Variants in SND1 observed in about 807,000 individuals in gnomAD.
The protein encoded by SND1 is staphylococcal nuclease domain-containing protein 1.
SND1 carries 38 observed loss-of-function variants against 121.7 expected under a neutral mutation model. The ratio of observed to expected loss-of-function variants is 0.31; its 90% CI spans 0.24 to 0.41. The LOEUF (loss-of-function observed/expected upper bound fraction) is 0.41, where lower values mean the gene tolerates loss of function less well. SND1 is among the 10% of genes least tolerant of loss of function. The pLI is 1.00. For synonymous variants in SND1, 401 were observed against 447.4 expected, an observed-to-expected ratio of 0.90 and a Z score of 1.31; for missense variants, 868 against 1,184.6, an observed-to-expected ratio of 0.73 and a Z score of 3.92.
chr7:127,780,443 A>C (rs917210231), intron 10 of SND1, among the ~76,000 whole-genome samples: 9 of 152,208 alleles, frequency 5.9e-5, no homozygotes, highest in Non-Finnish European at 1.3e-4. Context: ...TAAAGTACTT[A>C]TGTCCAGTGT....
intron 13 of SND1, among the ~76,000 whole-genome samples, chr7:127,901,919 G>A (rs1464292189): frequency 6.6e-6 from 1 of 152,104 alleles, no homozygotes; most frequent in Non-Finnish European, 1.5e-5. Context: ...TTAATACTAA[G>A]ACCATTTTAA....
At position 127,844,443 on chromosome 7, in the gene SND1, A is replaced by T. The variant is rs935382883; in HGVS notation, c.1343+19A>T. ...GAGGAATGTGAGTGTTCTGGCTGGC[A>T]TGGACTCAGCTGTCATCTCAAGTAG... On this transcript the variant is annotated intron_variant, in intron 12 of 23. Transcript: ENST00000354725. 7 of 1,590,922 alleles carry T rather than the reference A, an allele frequency of 4.4e-6. No homozygotes were observed. Among genetic ancestry groups the T allele is most frequent in the Admixed American group, 3.4e-5 (2 of 59,292 alleles).
intron 11 of SND1, 89 bp from the exon 12 acceptor site, chr7:127,844,234 TG>T (rs747426631): frequency 7.6e-6 from 7 of 920,416 alleles, no homozygotes; most frequent in Non-Finnish European, 9.9e-6. Context: ...TGGAGTGAGC[TG>T]ATCTTTCACA....
chr7:128,040,296 C>T (rs915709604), intron 16 of SND1, among the ~76,000 whole-genome samples: 3 of 151,438 alleles, frequency 2.0e-5, no homozygotes, highest in Non-Finnish European at 2.9e-5. Flanking sequence ...AATCCAGGTG[C>T]AGTGCTTATG....
intron 8 of SND1, among the ~76,000 whole-genome samples, chr7:127,706,064 A>G (rs1796188726): frequency 6.6e-6 from 1 of 152,012 alleles, no homozygotes; most frequent in South Asian, 2.1e-4. Context: ...ATTGCTTAGA[A>G]TTTTTTTTAT....
At chr7:127,790,702 G>GATGC (rs1283192595) in intron 10 of SND1, among the ~76,000 whole-genome samples, 1 of 152,206 alleles carries the variant, frequency 6.6e-6, no homozygotes, top group African/African-American at 2.4e-5. Context: ...TAGGATTACA[G>GATGC]ATGCATAATA....
intron 10 of SND1, among the ~76,000 whole-genome samples, chr7:127,774,385 T>G (rs1422785528): frequency 6.6e-6 from 1 of 152,192 alleles, no homozygotes; most frequent in Non-Finnish European, 1.5e-5. Context: ...AAGAAAGATT[T>G]TTAAAAACCA....
intron 10 of SND1, among the ~76,000 whole-genome samples, chr7:127,752,843 C>T (rs915806211): frequency 3.3e-5 from 5 of 152,160 alleles, no homozygotes; most frequent in Admixed American, 1.3e-4. Context: ...ACACAAAAAC[C>T]ATTTTCAGCT....
chr7:127,771,972 C>G (rs191338316), intron 10 of SND1, among the ~76,000 whole-genome samples: 1 of 152,206 alleles, frequency 6.6e-6, no homozygotes, highest in East Asian at 1.9e-4. Flanking sequence ...ACTTTCCTAT[C>G]CATCAGATAA....
chr7:127,887,819 T>G, intron 12 of SND1, 83 bp from the exon 13 acceptor site: 3 of 855,186 alleles, frequency 3.5e-6, no homozygotes, highest in Non-Finnish European at 5.8e-6. Flanking sequence ...CGTTAAGACC[T>G]CCAGGTGCTA....
intron 11 of SND1, among the ~76,000 whole-genome samples, chr7:127,834,092 A>C (rs1308266033): frequency 6.6e-6 from 1 of 152,088 alleles, no homozygotes; most frequent in Non-Finnish European, 1.5e-5. Flanking sequence ...TTATCTACTT[A>C]TCCAACAATG....
chr7:127,771,309 T>G lies in SND1; in HGVS notation c.1153-36175T>G, dbSNP rs147495657. On this transcript the variant is annotated intron_variant, in intron 10 of 23. Coordinates refer to ENST00000354725, the MANE Select transcript of SND1 (RefSeq NM_014390.4). ...CCCAAGGGACCAAATTTAAGGTTTTTGTTTTCCATAGATTGGTGTAAGTGA... is the reference window on the plus strand; with the variant it reads ...CCCAAGGGACCAAATTTAAGGTTTTGGTTTTCCATAGATTGGTGTAAGTGA... Among the ~76,000 whole-genome samples, 26 of 152,320 alleles carry G rather than the reference T, an allele frequency of 1.7e-4. 1 individual carries two copies. In the East Asian group the frequency reaches 5.0e-3, roughly 29 times the overall value.
intron 10 of SND1, among the ~76,000 whole-genome samples, chr7:127,748,972 C>G (rs1214024913): frequency 6.6e-6 from 1 of 151,686 alleles, no homozygotes; most frequent in African/African-American, 2.4e-5. Context: ...GTGCACCCCC[C>G]ATGAAGTCAG....
intron 10 of SND1, among the ~76,000 whole-genome samples, chr7:127,778,825 TAAG>T (rs1160297305): frequency 6.6e-6 from 1 of 152,188 alleles, no homozygotes; most frequent in Non-Finnish European, 1.5e-5. Flanking sequence ...GATCCTTAAC[TAAG>T]AAGGCACCTA....
chr7:127,831,452 T>C (rs1584604650), intron 11 of SND1, among the ~76,000 whole-genome samples: 1 of 152,176 alleles, frequency 6.6e-6, no homozygotes, highest in South Asian at 2.1e-4. Flanking sequence ...AGAAAACATA[T>C]GGCAGGCAGG....
chr7:128,039,327 ACTT>A (rs149465477), intron 16 of SND1, among the ~76,000 whole-genome samples: 4,195 of 152,272 alleles, frequency 0.028, 81 homozygotes, highest in Non-Finnish European at 0.04. Context: ...TGTTTCCAAT[ACTT>A]AGACCTAGCA....
At chr7:127,821,956 T>C (rs907798147) in intron 11 of SND1, among the ~76,000 whole-genome samples, 1 of 152,234 alleles carries the variant, frequency 6.6e-6, no homozygotes, top group East Asian at 1.9e-4. Flanking sequence ...CCTTTTATCT[T>C]TTAGACATTT....
At chr7:127,849,832 T>C (rs1799132131) in intron 12 of SND1, among the ~76,000 whole-genome samples, 2 of 152,216 alleles carry the variant, frequency 1.3e-5, no homozygotes, top group South Asian at 4.1e-4. Context: ...GCATCACCAC[T>C]GCCACCTGCC....
chr7:127,898,392 G>A (rs1320449379), intron 13 of SND1, among the ~76,000 whole-genome samples: 1 of 152,030 alleles, frequency 6.6e-6, no homozygotes, highest in South Asian at 2.1e-4. Context: ...AAATGCAGCT[G>A]CATAATCTTA....
Sources: gnomAD v4.1 joint callset for allele counts (sites outside exome capture counted in the v4.1 genomes callset) on GRCh38, gnomAD v4.1.1 for gene constraint, MANE v1.5 for transcripts, NCBI Gene and HGNC (gene_info 2026-07-23, HGNC 2026-07-21) for gene names.